The following TMEM132C variants were observed in gnomAD, a reference collection of about 807,000 sequenced individuals.
TMEM132C encodes protein phosphatase 1, regulatory subunit 152.
A neutral mutation model predicts 61.4 loss-of-function variants in TMEM132C; 29 were observed. The ratio of observed to expected loss-of-function variants is 0.47; its 90% CI spans 0.35 to 0.64. TMEM132C has a LOEUF of 0.64. Among genes scored for constraint, TMEM132C ranks in the 30% least tolerant of loss-of-function variants. The probability of loss-of-function intolerance (pLI) is 0.00; values close to 1 mark genes in which losing one functional copy is unlikely to be tolerated. For missense variants in TMEM132C, 1,408 were observed against 1,476.9 expected (o/e 0.95, Z 0.76); for synonymous variants, 656 against 633.1 (o/e 1.04, Z -0.54).
intron 5 of TMEM132C, among the ~76,000 whole-genome samples, chr12:128,672,536 G>C (rs886086884): frequency 5.3e-5 from 8 of 152,146 alleles, no homozygotes; most frequent in Non-Finnish European, 2.9e-5. Context: ...GGAAATAAAT[G>C]TATTCAAACA....
chr12:128,423,353 T>G (rs1449776920), intron 2 of TMEM132C, among the ~76,000 whole-genome samples: 1 of 152,190 alleles, frequency 6.6e-6, no homozygotes, highest in Non-Finnish European at 1.5e-5. Context: ...TATCAGTCAC[T>G]AAATCTCCCC....
At chr12:128,291,110 A>C (rs2135908641) in intron 1 of TMEM132C, among the ~76,000 whole-genome samples, 1 of 152,278 alleles carries the variant, frequency 6.6e-6, no homozygotes, top group Non-Finnish European at 1.5e-5. Context: ...GGATGACCCG[A>C]GCAGCACAGG....
intron 5 of TMEM132C, among the ~76,000 whole-genome samples, chr12:128,689,189 C>T (rs924684587): frequency 6.6e-6 from 1 of 151,826 alleles, no homozygotes; most frequent in Non-Finnish European, 1.5e-5. Flanking sequence ...TATATTTATG[C>T]AGTAGTAAGT....
At chr12:128,410,569 A>AT (rs1002036942) in intron 1 of TMEM132C, among the ~76,000 whole-genome samples, 110 of 151,474 alleles carry the variant, frequency 7.3e-4, no homozygotes, top group Admixed American at 2.0e-4. Context: ...CACCCCGCTG[A>AT]TTTTTTTTGT....
chr12:128,560,869 A>G (rs139916693), intron 3 of TMEM132C, among the ~76,000 whole-genome samples: 1 of 152,360 alleles, frequency 6.6e-6, no homozygotes, highest in East Asian at 1.9e-4. Flanking sequence ...GAGAGTATGA[A>G]TGCTGAATGA....
intron 2 of TMEM132C, among the ~76,000 whole-genome samples, chr12:128,473,608 A>T (rs1358124794): frequency 2.7e-5 from 4 of 149,282 alleles, no homozygotes; most frequent in African/African-American, 7.5e-5. Flanking sequence ...CTCTATCTTC[A>T]TCTTCACTCC....
intron 5 of TMEM132C, among the ~76,000 whole-genome samples, chr12:128,673,106 T>C (rs1954549385): frequency 6.6e-6 from 1 of 152,192 alleles, no homozygotes; most frequent in Non-Finnish European, 1.5e-5. Flanking sequence ...AGAATGTGCA[T>C]CTTTTATCAT....
intron 3 of TMEM132C, among the ~76,000 whole-genome samples, chr12:128,577,105 T>G (rs1221229031): frequency 1.3e-5 from 2 of 152,166 alleles, no homozygotes; most frequent in Middle Eastern, 3.2e-3. Context: ...ACAGCCCCCA[T>G]CAACCACTAA....
intron 2 of TMEM132C, among the ~76,000 whole-genome samples, chr12:128,539,490 C>T (rs112985370): frequency 9.2e-4 from 140 of 152,228 alleles, no homozygotes; most frequent in Non-Finnish European, 1.5e-3. Flanking sequence ...TGGCGGTGGT[C>T]GCCTGTAGTC....
intron 1 of TMEM132C, among the ~76,000 whole-genome samples, chr12:128,408,216 C>G (rs1444666199): frequency 6.6e-6 from 1 of 152,170 alleles, no homozygotes; most frequent in African/African-American, 2.4e-5. Context: ...AGACCACAAG[C>G]CCACTCCATC....
chr12:128,434,505 C>G (rs904344301), intron 2 of TMEM132C, among the ~76,000 whole-genome samples: 2 of 152,140 alleles, frequency 1.3e-5, no homozygotes, highest in South Asian at 4.1e-4. Context: ...CCAGGCTGGT[C>G]TTGAACTCCT....
chr12:128,630,202 A>C lies in TMEM132C; in HGVS notation c.1305+13867A>C, dbSNP rs1954054914. 3.9e-5 allele frequency among the ~76,000 whole-genome samples: 6 copies of C among 152,148 alleles called. 1 individual carries two copies. The highest frequency in any genetic ancestry group is 3.9e-4 in the Admixed American group (6 of 15,288). ...GCTGGCGGCAAGCCCAGGAATCTGCATCCCTAACAAGCTCCAGGGACCCCA... is the reference window on the plus strand; with the variant it reads ...GCTGGCGGCAAGCCCAGGAATCTGCCTCCCTAACAAGCTCCAGGGACCCCA... On this transcript the variant is annotated intron_variant, in intron 4 of 8. Coordinates refer to ENST00000435159, the MANE Select transcript of TMEM132C (RefSeq NM_001136103.3). The surrounding 1 kb of genome is among the most constrained non-coding windows in gnomAD (Gnocchi z 4.3).
chr12:128,344,349 A>G (rs975012931), intron 1 of TMEM132C, among the ~76,000 whole-genome samples: 1 of 152,068 alleles, frequency 6.6e-6, no homozygotes, highest in South Asian at 2.1e-4. Context: ...TAGTAGAGAC[A>G]GGGTTTCACC....
chr12:128,599,120 C>A lies in TMEM132C; in HGVS notation c.1122-17032C>A, dbSNP rs555270095. 2.0e-5 allele frequency among the ~76,000 whole-genome samples: 3 copies of A among 152,244 alleles called. No individual in the cohort carries two copies. In the South Asian group the frequency reaches 6.2e-4, roughly 32 times the overall value. On this transcript the variant is annotated intron_variant, in intron 3 of 8. Coordinates refer to ENST00000435159, the MANE Select transcript of TMEM132C (RefSeq NM_001136103.3). ...GGCTCCCGTTCCTCTGCGGCTGCAG[C>A]TCCCACAGGGAAACTCTCAGTGTAG...
chr12:128,308,865 C>T (rs1871874973), intron 1 of TMEM132C, among the ~76,000 whole-genome samples: 1 of 152,186 alleles, frequency 6.6e-6, no homozygotes, highest in African/African-American at 2.4e-5. Flanking sequence ...AACTAATTAG[C>T]TCTCCGGTTC....
At chr12:128,582,054 A>T (rs962752028) in intron 3 of TMEM132C, among the ~76,000 whole-genome samples, 5 of 152,242 alleles carry the variant, frequency 3.3e-5, no homozygotes, top group African/African-American at 1.2e-4. Context: ...CCCAGGCTTC[A>T]GTGACTGCAT....
intron 2 of TMEM132C, among the ~76,000 whole-genome samples, chr12:128,454,891 G>A (rs1453826700): frequency 2.0e-5 from 3 of 152,348 alleles, no homozygotes; most frequent in Non-Finnish European, 4.4e-5. Context: ...GGAGCCTGCA[G>A]TCTCTCTGAA....
At chr12:128,354,773 A>C (rs1370746981) in intron 1 of TMEM132C, among the ~76,000 whole-genome samples, 5 of 152,202 alleles carry the variant, frequency 3.3e-5, no homozygotes, top group Admixed American at 1.3e-4. Flanking sequence ...CCGGAGCTAT[A>C]GGCTTGAGGA....
At chr12:128,650,127 A>T (rs1339181151) in intron 4 of TMEM132C, among the ~76,000 whole-genome samples, 1 of 152,184 alleles carries the variant, frequency 6.6e-6, no homozygotes, top group African/African-American at 2.4e-5. Context: ...TTGTGAGTCT[A>T]TGTTCCTCCA....
Sources: allele counts gnomAD v4.1 joint callset (sites outside exome capture counted in the v4.1 genomes callset), GRCh38; gene constraint gnomAD v4.1.1; non-coding constraint Gnocchi (gnomAD v3.1); transcripts MANE v1.5; gene names NCBI Gene and HGNC (gene_info 2026-07-23, HGNC 2026-07-21).